FANCE: variants seen among roughly 807,000 people sequenced by gnomAD.
FANCE encodes the protein FA complementation group E.
FANCE carries 42 observed loss-of-function variants against 57.8 expected under a neutral mutation model. The ratio of observed to expected loss-of-function variants is 0.73; its 90% CI spans 0.57 to 0.94. The LOEUF (loss-of-function observed/expected upper bound fraction) is 0.94. Ranked by LOEUF, FANCE falls within the 40% of genes least tolerant of loss-of-function variation. The pLI is 0.00. For synonymous variants in FANCE, 251 were observed against 286.4 expected, an observed-to-expected ratio of 0.88 and a Z score of 1.25; for missense variants, 608 against 661.8, an observed-to-expected ratio of 0.92 and a Z score of 0.89.
At chr6:35,453,886 A>G (rs1168758865) in intron 1 of FANCE, among the ~76,000 whole-genome samples, 1 of 152,162 alleles carries the variant, frequency 6.6e-6, no homozygotes, top group Non-Finnish European at 1.5e-5. Flanking sequence ...TTTCAGCACA[A>G]TTGATTTCCT....
chr6:35,464,901 T>G (rs1767766174), intron 9 of FANCE, among the ~76,000 whole-genome samples: 1 of 148,946 alleles, frequency 6.7e-6, no homozygotes, highest in African/African-American at 2.5e-5. Flanking sequence ...CATGGCTAAT[T>G]TTTTTTGTAT....
At position 35,458,279 on chromosome 6, in the gene FANCE, C is replaced by T; in HGVS notation, c.970-18C>T. ...TGCATGTCCCGGTGTCCTCTCTCCCCCCGCACTCTGTAAGCAGATGGACTT... is the reference window on the plus strand; with the variant it reads ...TGCATGTCCCGGTGTCCTCTCTCCCTCCGCACTCTGTAAGCAGATGGACTT... On this transcript the variant is annotated intron_variant, in intron 4 of 9. Transcript: ENST00000229769. 1 of 1,613,028 alleles carries T rather than the reference C, an allele frequency of 6.2e-7. No individual in the cohort carries two copies. The highest frequency in any genetic ancestry group is 8.5e-7 in the Non-Finnish European group (1 of 1,180,004).
chr6:35,466,303 G>A lies in FANCE; in HGVS notation c.1569G>A (p.Leu523=). The change falls in exon 10 of 10, where the codon CTG becomes CTA. Residue 523 remains leucine, a synonymous_variant. Transcript: ENST00000229769. ...AMALEPNTTF[L]RKSLKAALKH... is the part of the protein sequence containing the mutation. ...CCCTAGAACCTAACACCACCTTCCT[G>A]AGGAAGTCCCTGAAGGCCGCCTTGA... The A allele has an allele frequency of 6.2e-7, 1 of 1,614,072 alleles. No individual in the cohort carries two copies. Among genetic ancestry groups the A allele is most frequent in the Non-Finnish European group, 8.5e-7 (1 of 1,179,922 alleles).
At chr6:35,452,832 G>A in intron 1 of FANCE, 39 bp downstream of exon 1, 5 of 1,288,540 alleles carry the variant, frequency 3.9e-6, no homozygotes, top group African/African-American at 3.1e-5. Flanking sequence ...GGTATGGGAG[G>A]CGGGGGGCTG....
At chr6:35,464,833 C>T (rs978486386) in intron 9 of FANCE, among the ~76,000 whole-genome samples, 2 of 144,586 alleles carry the variant, frequency 1.4e-5, no homozygotes, top group Non-Finnish European at 3.0e-5. Context: ...CCTGGGTTCA[C>T]GCCATTCTCC....
At chr6:35,464,804 C>T (rs1396809939) in intron 9 of FANCE, among the ~76,000 whole-genome samples, 1 of 145,090 alleles carries the variant, frequency 6.9e-6, no homozygotes, top group Non-Finnish European at 1.5e-5. Context: ...GCGATCTCGG[C>T]TCACTGCAAG....
intron 5 of FANCE, 120 bp downstream of exon 5, chr6:35,458,560 G>C: frequency 8.0e-7 from 1 of 1,244,870 alleles, no homozygotes; most frequent in East Asian, 2.3e-5. Context: ...GGCTGTTTGG[G>C]CAGCCTGGGG....
At chr6:35,458,167 G>C in intron 4 of FANCE, 130 bp from the exon 5 acceptor site, 1 of 1,376,318 alleles carries the variant, frequency 7.3e-7, no homozygotes. Context: ...CCCTAGGGCA[G>C]CTCTCCCAGA....
chr6:35,464,764 G>A (rs1467693314), intron 9 of FANCE, among the ~76,000 whole-genome samples: 2 of 127,572 alleles, frequency 1.6e-5, no homozygotes, highest in African/African-American at 3.1e-5. Context: ...ATGGAGTCTC[G>A]CTCTGTCGCC....
intron 9 of FANCE, among the ~76,000 whole-genome samples, chr6:35,464,226 A>G (rs2150903304): frequency 7.1e-6 from 1 of 140,980 alleles, no homozygotes; most frequent in East Asian, 2.1e-4. Context: ...AAATAGAGAC[A>G]GGGTCTTCTT....
chr6:35,462,385 G>T (rs1391119582), intron 8 of FANCE, among the ~76,000 whole-genome samples: 1 of 152,136 alleles, frequency 6.6e-6, no homozygotes, highest in Non-Finnish European at 1.5e-5. Flanking sequence ...GGGATTACAG[G>T]CATGAGCCAC....
intron 8 of FANCE, among the ~76,000 whole-genome samples, chr6:35,461,214 G>A (rs1222385537): frequency 6.6e-6 from 1 of 152,186 alleles, no homozygotes; most frequent in Non-Finnish European, 1.5e-5. Flanking sequence ...ATTTTTAGTA[G>A]AGACAGGGTT....
chr6:35,456,289 A>G lies in FANCE; in HGVS notation c.791A>G (p.Asp264Gly), dbSNP rs555278041. 1 of 1,614,168 alleles carries G rather than the reference A, an allele frequency of 6.2e-7. No homozygotes were observed. The highest frequency in any genetic ancestry group is 1.1e-5 in the South Asian group (1 of 91,084). The change falls in exon 2 of 10, where the codon GAC (aspartate) becomes GGC (glycine). Residue 264 changes from aspartate to glycine, a missense_variant. By Grantham distance (94) the Asp-to-Gly change is moderately conservative. Transcript: ENST00000229769. The surrounding 1 kb of genome is among the most constrained non-coding windows in gnomAD (Gnocchi z 4.3). Reference sequence around the variant, plus strand: ...GTCATGGCAGTTAAGACTGGCGAGGACGGTTCGAATCTGGATGATGCTAAA... The same window carrying G: ...GTCATGGCAGTTAAGACTGGCGAGGGCGGTTCGAATCTGGATGATGCTAAA... The part of the protein sequence containing the change: ...QPVMAVKTGE[D>G]GSNLDDAKGL...
chr6:35,461,209 T>C (rs900874096), intron 8 of FANCE, among the ~76,000 whole-genome samples: 7 of 152,208 alleles, frequency 4.6e-5, no homozygotes, highest in Non-Finnish European at 8.8e-5. Flanking sequence ...TTTGTATTTT[T>C]AGTAGAGACA....
rs1453438026 is a variant in FANCE, at chr6:35,452,877, C to T, written c.248+84C>T. Reference sequence around the variant, plus strand: ...CGACACACACAGAGGTGAAATAAGCCCCTTCAGCGACGGCCTGCCGCGCAC... The same window carrying T: ...CGACACACACAGAGGTGAAATAAGCTCCTTCAGCGACGGCCTGCCGCGCAC... On this transcript the variant is annotated intron_variant, in intron 1 of 9. Coordinates refer to ENST00000229769, the MANE Select transcript of FANCE (RefSeq NM_021922.3). 3.3e-6 allele frequency: 4 copies of T among 1,227,186 alleles called. No individual in the cohort carries two copies. The African/African-American group carries it at 4.7e-5, about 14-fold the overall frequency. 76.0% of individuals were successfully genotyped at this position (1,227,186 alleles called of 1,614,324 possible). A position where few individuals can be genotyped will look rare whatever the true frequency, so the allele number is the denominator to read the frequency against.
At position 35,459,223 on chromosome 6, in the gene FANCE, G is replaced by T. The variant is rs554075624; in HGVS notation, c.1114-108G>T. 2.7e-4 allele frequency: 363 copies of T among 1,330,418 alleles called. 1 individual carries two copies. In the South Asian group the frequency reaches 3.3e-3, roughly 12 times the overall value. 82.4% of individuals were successfully genotyped at this position (1,330,418 alleles called of 1,614,324 possible). A position where few individuals can be genotyped will look rare whatever the true frequency, so the allele number is the denominator to read the frequency against. On this transcript the variant is annotated intron_variant, in intron 5 of 9. Coordinates refer to ENST00000229769, the MANE Select transcript of FANCE (RefSeq NM_021922.3). ...TGTGAGTTCTAAATAAAAGAACTTGGTTTTTTTTTTCCTTTGTAACATGTA... is the reference window on the plus strand; with the variant it reads ...TGTGAGTTCTAAATAAAAGAACTTGTTTTTTTTTTTCCTTTGTAACATGTA...
chr6:35,456,039 C>T lies in FANCE; in HGVS notation c.541C>T (p.Pro181Ser). 6.2e-7 allele frequency: 1 copy of T among 1,612,946 alleles called. No homozygotes were observed. The highest frequency in any genetic ancestry group is 1.3e-5 in the African/African-American group (1 of 74,988). Residue 181 changes from proline (P) to serine (S), a missense_variant, in exon 2 of 10, where the codon CCC becomes TCC. By Grantham distance (74) the Pro-to-Ser change is moderately conservative. Coordinates refer to ENST00000229769, the MANE Select transcript of FANCE (RefSeq NM_021922.3). The surrounding 1 kb of genome is among the most constrained non-coding windows in gnomAD (Gnocchi z 4.3). ...CCTGGGGGGCAGGAGGTTGAAATCC[C>T]CCCAGGCTCCAGACCCTGAAGAAGA... ...LGLGGRRLKS[P>S]QAPDPEEEEN...
rs1395147716 is a variant in FANCE at position 35,456,703 on chromosome 6, A to G, written c.855+350A>G. Reference sequence around the variant, plus strand: ...CTAATTTTGTATTTTTAGTAGAGACAGGGTTTCTCCATGTTGGTCAGGCTG... The same window carrying G: ...CTAATTTTGTATTTTTAGTAGAGACGGGGTTTCTCCATGTTGGTCAGGCTG... On this transcript the variant is annotated intron_variant, in intron 2 of 9. Coordinates refer to ENST00000229769, the MANE Select transcript of FANCE (RefSeq NM_021922.3). The surrounding 1 kb of genome is among the most constrained non-coding windows in gnomAD (Gnocchi z 4.3). Among the ~76,000 whole-genome samples, 1 of 151,866 alleles carries G rather than the reference A, an allele frequency of 6.6e-6. No homozygotes were observed. Among genetic ancestry groups the G allele is most frequent in the South Asian group, 2.1e-4 (1 of 4,812 alleles).
chr6:35,455,885 A>C lies in FANCE; in HGVS notation c.387A>C (p.Pro129=), dbSNP rs4713867. Residue 129 remains proline (P), a synonymous_variant, in exon 2 of 10, where the codon CCA becomes CCC. Transcript: ENST00000229769. The part of the protein sequence containing the change: ...QIAQQDLAPD[P]DAWLRALGEL... ...CCCAGCAGGACCTAGCCCCTGACCC[A>C]GATGCCTGGCTCCGTGCCCTGGGGG... 0.69 allele frequency: 1,115,233 copies of C among 1,613,928 alleles called. 388,042 individuals are homozygous for C. The highest frequency in any genetic ancestry group is 0.87 in the African/African-American group (65,524 of 75,004).
Sources: allele counts gnomAD v4.1 joint callset (sites outside exome capture counted in the v4.1 genomes callset), GRCh38; gene constraint gnomAD v4.1.1; non-coding constraint Gnocchi (gnomAD v3.1); transcripts MANE v1.5; gene names NCBI Gene and HGNC (gene_info 2026-07-23, HGNC 2026-07-21).